Variants in P3H2 observed in about 807,000 individuals in gnomAD.
The protein encoded by P3H2 is prolyl 3-hydroxylase 2, also known as leprecan-like 1.
A neutral mutation model predicts 87.0 loss-of-function variants in P3H2; 80 were observed. The observed-to-expected ratio is 0.92, with a 90% CI of 0.77 to 1.11. The LOEUF (loss-of-function observed/expected upper bound fraction) is 1.11, where lower values mean the gene tolerates loss of function less well. Ranked by LOEUF, P3H2 falls within the 50% of genes least tolerant of loss-of-function variation. The probability of loss-of-function intolerance (pLI) is 0.00; values close to 1 mark genes in which losing one functional copy is unlikely to be tolerated. For missense variants in P3H2, 1,001 were observed against 923.9 expected, an observed-to-expected ratio of 1.08 and a Z score of -1.08; for synonymous variants, 367 against 359.3, an observed-to-expected ratio of 1.02 and a Z score of -0.24.
intron 7 of P3H2, 21 bp downstream of exon 7, chr3:189,984,529 T>G: frequency 1.3e-6 from 2 of 1,597,892 alleles, no homozygotes; most frequent in East Asian, 4.5e-5. Context: ...AAAAACCAGT[T>G]TGCATTCTGA....
At chr3:189,985,382 A>G (rs1723658278) in intron 6 of P3H2, among the ~76,000 whole-genome samples, 1 of 151,538 alleles carries the variant, frequency 6.6e-6, no homozygotes, top group Admixed American at 6.6e-5. Flanking sequence ...TATATAAATA[A>G]TAAAAGTGAT....
intron 14 of P3H2, among the ~76,000 whole-genome samples, chr3:189,958,359 G>A (rs763407188): frequency 2.0e-5 from 3 of 151,978 alleles, no homozygotes; most frequent in Non-Finnish European, 4.4e-5. Flanking sequence ...GCTCTCTCTC[G>A]GTAAAGACCA....
At position 190,023,003 on chromosome 3, in the gene P3H2, T is replaced by G. The variant is rs924710612; in HGVS notation, c.481-27561A>C. 5.1e-4 allele frequency among the ~76,000 whole-genome samples: 77 copies of G among 151,666 alleles called. 1 individual carries two copies. Among genetic ancestry groups the G allele is most frequent in the Non-Finnish European group, 1.3e-4 (9 of 68,000 alleles). ...CACCACGCCTGGCTAATTTTTTGTATTTTTAGTAGAGACGGTGTTTCACCG... is the reference window on the plus strand; with the variant it reads ...CACCACGCCTGGCTAATTTTTTGTAGTTTTAGTAGAGACGGTGTTTCACCG... On this transcript the variant is annotated intron_variant, in intron 1 of 14. Coordinates refer to ENST00000319332, the MANE Select transcript of P3H2 (RefSeq NM_018192.4).
intron 1 of P3H2, among the ~76,000 whole-genome samples, chr3:190,100,646 T>A (rs710588): frequency 0.44 from 67,070 of 151,976 alleles, 17,694 homozygotes; most frequent in African/African-American, 0.75. Context: ...ACACTTTCTA[T>A]ATTCCTCACT....
chr3:189,995,083 C>T (rs1249094797), intron 2 of P3H2, among the ~76,000 whole-genome samples: 1 of 151,880 alleles, frequency 6.6e-6, no homozygotes, highest in Non-Finnish European at 1.5e-5. Flanking sequence ...TTTATTTCAA[C>T]TTTTAAAATT....
intron 1 of P3H2, among the ~76,000 whole-genome samples, chr3:190,033,462 C>T (rs1251607558): frequency 2.0e-5 from 3 of 152,094 alleles, no homozygotes; most frequent in Non-Finnish European, 4.4e-5. Context: ...TCTCATACTC[C>T]TTGAGAGAAA....
intron 1 of P3H2, among the ~76,000 whole-genome samples, chr3:190,035,985 T>C (rs969272396): frequency 6.6e-6 from 1 of 152,178 alleles, no homozygotes; most frequent in Non-Finnish European, 1.5e-5. Context: ...CTGGAAACCA[T>C]TTGTTAGTTG....
rs772939460 is a variant in P3H2 at position 190,120,466 on chromosome 3, G to T, written c.266C>A (p.Ala89Glu). 7.0e-7 allele frequency: 1 copy of T among 1,431,106 alleles called. No homozygotes were observed. Among genetic ancestry groups the T allele is most frequent in the East Asian group, 2.9e-5 (1 of 34,142 alleles). 88.7% of individuals were successfully genotyped at this position (1,431,106 alleles called of 1,614,324 possible). A position where few individuals can be genotyped will look rare whatever the true frequency, so the allele number is the denominator to read the frequency against. Reference sequence around the variant, plus strand: ...CGGGGGCGGGAGCGGGTGGCGCGCCGCGCAGTGGCGGGCACAGCGCGTGCG... The same window carrying T: ...CGGGGGCGGGAGCGGGTGGCGCGCCTCGCAGTGGCGGGCACAGCGCGTGCG... Reference protein sequence around the residue: ...EIRTRCARHCAARHPLPPPPP... With the variant: ...EIRTRCARHCEARHPLPPPPP... The change falls in exon 1 of 15, where the codon GCG becomes GAG. Residue 89 changes from alanine to glutamate, a missense_variant. Ala to Glu is a moderately radical substitution (Grantham distance 107). Coordinates refer to ENST00000319332, the MANE Select transcript of P3H2 (RefSeq NM_018192.4).
At chr3:189,984,395 A>G (rs1033696497) in intron 7 of P3H2, among the ~76,000 whole-genome samples, 155 bp downstream of exon 7, 5 of 152,118 alleles carry the variant, frequency 3.3e-5, no homozygotes, top group African/African-American at 1.2e-4. Flanking sequence ...TGGCAGGAAG[A>G]GCTGGGACCT....
chr3:190,012,075 A>G (rs1724606967), intron 1 of P3H2, among the ~76,000 whole-genome samples: 1 of 151,984 alleles, frequency 6.6e-6, no homozygotes, highest in African/African-American at 2.4e-5. Flanking sequence ...ATGATTTCCT[A>G]AATAAATATT....
chr3:190,026,438 C>T (rs1725087114), intron 1 of P3H2, among the ~76,000 whole-genome samples: 1 of 152,122 alleles, frequency 6.6e-6, no homozygotes, highest in Non-Finnish European at 1.5e-5. Context: ...AAAACGCCAG[C>T]TAAAACCCAC....
chr3:189,963,338 G>A (rs1722871694), intron 14 of P3H2: 1 of 152,982 alleles, frequency 6.5e-6, no homozygotes, highest in African/African-American at 2.4e-5. Context: ...TTTCAAATAC[G>A]TTTCATAAAT....
At chr3:190,029,306 A>C (rs1725181950) in intron 1 of P3H2, among the ~76,000 whole-genome samples, 1 of 152,204 alleles carries the variant, frequency 6.6e-6, no homozygotes, top group Non-Finnish European at 1.5e-5. Context: ...TACAAAGAAG[A>C]TTTTAAGAAT....
intron 1 of P3H2, among the ~76,000 whole-genome samples, chr3:190,062,134 C>T (rs929501085): frequency 6.6e-6 from 1 of 152,098 alleles, no homozygotes; most frequent in African/African-American, 2.4e-5. Flanking sequence ...CTTCTTAATC[C>T]TTCATCACAG....
chr3:190,027,002 C>T (rs940756163), intron 1 of P3H2, among the ~76,000 whole-genome samples: 6 of 152,116 alleles, frequency 3.9e-5, no homozygotes, highest in African/African-American at 7.2e-5. Flanking sequence ...TTCTACAATA[C>T]GAGCCAAGCA....
intron 3 of P3H2, among the ~76,000 whole-genome samples, chr3:189,989,648 G>A (rs937642404): frequency 2.6e-5 from 4 of 151,774 alleles, no homozygotes; most frequent in Admixed American, 6.6e-5. Context: ...TTAGTCTATC[G>A]CCTAGACATA....
intron 1 of P3H2, among the ~76,000 whole-genome samples, chr3:190,003,212 T>C (rs1290779321): frequency 3.3e-5 from 5 of 152,208 alleles, no homozygotes; most frequent in Non-Finnish European, 2.9e-5. Context: ...TTACTTATGG[T>C]CCTGATTCTG....
intron 13 of P3H2, among the ~76,000 whole-genome samples, chr3:189,965,038 T>C (rs1722932838): frequency 6.6e-6 from 1 of 152,224 alleles, no homozygotes; most frequent in Non-Finnish European, 1.5e-5. Context: ...CATTCCTCTG[T>C]ATAGTTCAGA....
intron 1 of P3H2, among the ~76,000 whole-genome samples, chr3:190,110,812 T>A (rs2060910779): frequency 6.6e-6 from 1 of 152,206 alleles, no homozygotes; most frequent in African/African-American, 2.4e-5. Context: ...TGGCTCAAAT[T>A]TCCTGTGCTT....
Sources: gnomAD v4.1 joint callset for allele counts (sites outside exome capture counted in the v4.1 genomes callset) on GRCh38, gnomAD v4.1.1 for gene constraint, MANE v1.5 for transcripts, NCBI Gene and HGNC (gene_info 2026-07-23, HGNC 2026-07-21) for gene names.